SAMD12: variants seen among roughly 807,000 people sequenced by gnomAD.
The protein encoded by SAMD12 is sterile alpha motif domain-containing protein 12.
In SAMD12, 9 loss-of-function variants were observed where a neutral mutation model predicts 15.0. The observed-to-expected ratio is 0.60, with a 90% CI of 0.36 to 1.05. The LOEUF (loss-of-function observed/expected upper bound fraction) is 1.05, where lower values mean the gene tolerates loss of function less well. Ranked by LOEUF, SAMD12 falls within the 50% of genes least tolerant of loss-of-function variation. The pLI is 0.01. For missense variants in SAMD12, 230 were observed against 234.2 expected (o/e 0.98, Z 0.12); for synonymous variants, 86 against 90.1 (o/e 0.96, Z 0.25).
At chr8:118,289,225 CTT>C (rs1563736349) in intron 4 of SAMD12, among the ~76,000 whole-genome samples, 2 of 152,196 alleles carry the variant, frequency 1.3e-5, no homozygotes, top group Non-Finnish European at 2.9e-5. Flanking sequence ...ACACAGCAAA[CTT>C]TGGATTCCTG....
chr8:118,299,777 T>G (rs767728351), intron 4 of SAMD12, among the ~76,000 whole-genome samples: 3 of 152,140 alleles, frequency 2.0e-5, no homozygotes, highest in Non-Finnish European at 2.9e-5. Context: ...AAAAATCTCT[T>G]CATGGCCTAC....
chr8:118,149,128 A>G, the SAMD12 span, among the ~76,000 whole-genome samples: 1 of 152,190 alleles, frequency 6.6e-6, no homozygotes, highest in Non-Finnish European at 1.5e-5. Context: ...CTTATTCTGT[A>G]GCCCAGGCTG....
chr8:118,140,774 G>A, the SAMD12 span, among the ~76,000 whole-genome samples: 1 of 152,186 alleles, frequency 6.6e-6, no homozygotes, highest in Non-Finnish European at 1.5e-5. Flanking sequence ...GAGTGGAAAT[G>A]ACACTTGTAG....
chr8:118,621,548 A>T (rs1828406895), intron 1 of SAMD12: 3 of 530,118 alleles, frequency 5.7e-6, no homozygotes, highest in East Asian at 6.0e-5. Flanking sequence ...ATCGTTTCGC[A>T]TCAGGGACAC....
chr8:118,314,771 C>A (rs960974515), intron 4 of SAMD12, among the ~76,000 whole-genome samples: 1 of 152,056 alleles, frequency 6.6e-6, no homozygotes, highest in African/African-American at 2.4e-5. Flanking sequence ...TGTGGATGTA[C>A]CACTGTACAT....
chr8:118,483,073 A>T (rs1160842146), intron 2 of SAMD12, among the ~76,000 whole-genome samples: 1 of 152,254 alleles, frequency 6.6e-6, no homozygotes, highest in East Asian at 1.9e-4. Context: ...AAATATAATC[A>T]TGCTAGCTTT....
exon 5 of SAMD12, chr8:118,189,617 A>C (rs1047581916): frequency 1.3e-5 from 2 of 152,170 alleles, no homozygotes; most frequent in African/African-American, 4.8e-5. Context: ...ACATCTGTAC[A>C]GTTTCATTTT....
chr8:118,283,329 C>G (rs1022740263), intron 4 of SAMD12, among the ~76,000 whole-genome samples: 2 of 152,146 alleles, frequency 1.3e-5, no homozygotes, highest in African/African-American at 4.8e-5. Context: ...TGAACCTCTC[C>G]TATGAGGTCA....
intron 2 of SAMD12, among the ~76,000 whole-genome samples, chr8:118,532,349 T>C (rs1263146712): frequency 6.6e-6 from 1 of 152,150 alleles, no homozygotes; most frequent in Non-Finnish European, 1.5e-5. Context: ...CAGTATTTTA[T>C]TGAGGATTTT....
chr8:118,263,728 G>A (rs1415181089), intron 4 of SAMD12, among the ~76,000 whole-genome samples: 1 of 152,104 alleles, frequency 6.6e-6, no homozygotes, highest in African/African-American at 2.4e-5. Flanking sequence ...TGGAAGAATT[G>A]TATATGTAAG....
At chr8:118,199,612 T>A (rs1023085641) in intron 4 of SAMD12, among the ~76,000 whole-genome samples, 6 of 152,206 alleles carry the variant, frequency 3.9e-5, no homozygotes, top group African/African-American at 1.4e-4. Flanking sequence ...ATAACTAGGT[T>A]TATCATAGTT....
chr8:118,152,937 G>T, the SAMD12 span, among the ~76,000 whole-genome samples: 1 of 152,200 alleles, frequency 6.6e-6, no homozygotes, highest in Non-Finnish European at 1.5e-5. Flanking sequence ...GTGACTGAAA[G>T]TCCATGAAGT....
At chr8:118,408,423 A>G (rs1249591987) in intron 3 of SAMD12, among the ~76,000 whole-genome samples, 2 of 152,104 alleles carry the variant, frequency 1.3e-5, no homozygotes, top group African/African-American at 4.8e-5. Context: ...ATCAGCCTCC[A>G]TATCTAACCA....
At chr8:118,197,901 T>C (rs1265621710) in intron 4 of SAMD12, among the ~76,000 whole-genome samples, 2 of 152,254 alleles carry the variant, frequency 1.3e-5, no homozygotes, top group Non-Finnish European at 2.9e-5. Flanking sequence ...CAGTGGCTTA[T>C]ATTCATGAAA....
At chr8:118,405,839 A>T (rs185868011) in intron 3 of SAMD12, among the ~76,000 whole-genome samples, 9 of 152,312 alleles carry the variant, frequency 5.9e-5, no homozygotes, top group African/African-American at 2.2e-4. Context: ...CTCAGCTGTC[A>T]TATTTCCAGG....
intron 1 of SAMD12, among the ~76,000 whole-genome samples, chr8:118,598,684 G>A (rs1827783528): frequency 1.3e-5 from 2 of 152,184 alleles, no homozygotes; most frequent in Admixed American, 6.5e-5. Flanking sequence ...TGGGTGAATA[G>A]GATTGTTCCC....
intron 4 of SAMD12, among the ~76,000 whole-genome samples, chr8:118,242,246 G>T (rs1192514327): frequency 2.6e-5 from 4 of 152,108 alleles, no homozygotes; most frequent in Admixed American, 6.6e-5. Flanking sequence ...GAGAAATTAA[G>T]AATTTACATT....
chr8:118,216,944 C>T (rs1175229767), intron 4 of SAMD12, among the ~76,000 whole-genome samples: 1 of 152,118 alleles, frequency 6.6e-6, no homozygotes, highest in Non-Finnish European at 1.5e-5. Context: ...CTATATCCAC[C>T]CTCTATATCA....
chr8:118,325,694 G>A (rs1816533434), intron 4 of SAMD12, among the ~76,000 whole-genome samples: 1 of 152,150 alleles, frequency 6.6e-6, no homozygotes, highest in Non-Finnish European at 1.5e-5. Context: ...CTGAAAGCAT[G>A]TGCCCTTTGA....
Sources: allele counts gnomAD v4.1 joint callset (sites outside exome capture counted in the v4.1 genomes callset), GRCh38; gene constraint gnomAD v4.1.1; transcripts MANE v1.5; gene names NCBI Gene and HGNC (gene_info 2026-07-23, HGNC 2026-07-21).